The following PTPRD variants were observed in gnomAD, a reference collection of about 807,000 sequenced individuals.
PTPRD encodes the protein protein tyrosine phosphatase receptor type D, also known as receptor-type tyrosine-protein phosphatase delta.
PTPRD carries 34 observed loss-of-function variants against 214.5 expected under a neutral mutation model. The ratio of observed to expected loss-of-function variants is 0.16; its 90% confidence interval spans 0.12 to 0.21. The LOEUF (loss-of-function observed/expected upper bound fraction) is 0.21, where lower values mean the gene tolerates loss of function less well. Among genes scored for constraint, PTPRD ranks in the 10% least tolerant of loss-of-function variants. The probability of loss-of-function intolerance (pLI) is 1.00; values close to 1 mark genes in which losing one functional copy is unlikely to be tolerated. For missense variants in PTPRD, 2,545 were observed against 2,398.7 expected, an observed-to-expected ratio of 1.06 and a Z score of -1.27; for synonymous variants, 1,128 against 845.7, an observed-to-expected ratio of 1.33 and a Z score of -5.79.
chr9:10,338,070 G>A (rs1565385560), intron 3 of PTPRD, among the ~76,000 whole-genome samples: 1 of 151,554 alleles, frequency 6.6e-6, no homozygotes, highest in Non-Finnish European at 1.5e-5. Context: ...CATATCATAT[G>A]AGCTTCATTC....
At chr9:9,900,641 G>GTTTGGTTTTTTTTTTTTTT (rs1555302233) in intron 5 of PTPRD, among the ~76,000 whole-genome samples, 15 of 120,102 alleles carry the variant, frequency 1.2e-4, no homozygotes, top group African/African-American at 4.7e-4. Context: ...ACATTTTCAG[G>GTTTGGTTTTTTTTTTTTTT]TTTTTTTTTT....
chr9:8,788,404 T>C (rs2096082767), intron 11 of PTPRD, among the ~76,000 whole-genome samples: 1 of 151,424 alleles, frequency 6.6e-6, no homozygotes, highest in African/African-American at 2.4e-5. Flanking sequence ...GCCTCCCGAG[T>C]AGCTGGGATT....
chr9:10,322,405 C>T (rs1228775963), intron 3 of PTPRD, among the ~76,000 whole-genome samples: 1 of 152,006 alleles, frequency 6.6e-6, no homozygotes, highest in East Asian at 1.9e-4. Flanking sequence ...AGCCCCAAAT[C>T]TGACTATTTC....
At chr9:8,411,510 G>T (rs934876509) in intron 35 of PTPRD, among the ~76,000 whole-genome samples, 3 of 152,096 alleles carry the variant, frequency 2.0e-5, no homozygotes, top group Non-Finnish European at 4.4e-5. Context: ...CGCCATGTTG[G>T]CCAGGCTAGT....
chr9:8,760,824 G>A (rs1009264264), intron 11 of PTPRD, among the ~76,000 whole-genome samples: 1 of 152,118 alleles, frequency 6.6e-6, no homozygotes, highest in African/African-American at 2.4e-5. Flanking sequence ...TCTCGTACAA[G>A]TAAAGTAGAA....
At chr9:9,686,609 C>G (rs928170870) in intron 7 of PTPRD, among the ~76,000 whole-genome samples, 8 of 151,610 alleles carry the variant, frequency 5.3e-5, no homozygotes, top group African/African-American at 1.9e-4. Flanking sequence ...TACATTTCTA[C>G]ATAAATTTTA....
intron 2 of PTPRD, among the ~76,000 whole-genome samples, chr9:10,460,474 GTA>G (rs560790703): frequency 1.3e-5 from 2 of 149,578 alleles, no homozygotes; most frequent in African/African-American, 2.4e-5. Flanking sequence ...TGATTCAAAA[GTA>G]TATTACAAAG....
intron 35 of PTPRD, among the ~76,000 whole-genome samples, chr9:8,421,780 G>A (rs967770722): frequency 6.6e-6 from 1 of 151,764 alleles, no homozygotes; most frequent in Non-Finnish European, 1.5e-5. Context: ...AAGCCCAGTG[G>A]TCTTCTTGAT....
chr9:10,142,184 T>G (rs1220795501), intron 3 of PTPRD, among the ~76,000 whole-genome samples: 1 of 151,918 alleles, frequency 6.6e-6, no homozygotes. Context: ...GAAGAAAACC[T>G]AGGCATTACC....
rs181481499 is a variant in PTPRD, at chr9:9,707,257, T to G, written c.-287+27276A>C. The stretch of plus-strand genomic sequence containing the variant: ...TGGGTATTGTTAATTAAAACCAGTG[T>G]GCTGTTAAAACAAAATAAGAATATT... On this transcript the variant is annotated intron_variant, in intron 7 of 45. Transcript: ENST00000381196. 4.3e-4 allele frequency among the ~76,000 whole-genome samples: 66 copies of G among 152,330 alleles called. No homozygotes were observed. The East Asian group carries it at 6.7e-3, about 16-fold the overall frequency.
chr9:9,265,349 A>C (rs1229479576), intron 9 of PTPRD, among the ~76,000 whole-genome samples: 1 of 151,424 alleles, frequency 6.6e-6, no homozygotes, highest in Non-Finnish European at 1.5e-5. Flanking sequence ...GCAGCCTTGA[A>C]CTCCTGGGCT....
intron 2 of PTPRD, among the ~76,000 whole-genome samples, chr9:10,577,326 T>C (rs1026435423): frequency 2.6e-5 from 4 of 152,220 alleles, no homozygotes; most frequent in African/African-American, 9.6e-5. Flanking sequence ...TTATGATCCA[T>C]TCACTAATGT....
At chr9:10,215,475 A>G (rs954183185) in intron 3 of PTPRD, among the ~76,000 whole-genome samples, 9 of 152,108 alleles carry the variant, frequency 5.9e-5, no homozygotes, top group African/African-American at 2.2e-4. Flanking sequence ...AATATGTATC[A>G]GGCCTACATA....
chr9:9,404,898 T>C (rs2072646879), intron 8 of PTPRD, among the ~76,000 whole-genome samples: 1 of 152,092 alleles, frequency 6.6e-6, no homozygotes. Context: ...AATTCAGTCT[T>C]TTCCAAGTCC....
chr9:9,043,458 C>A (rs932931103), intron 10 of PTPRD, among the ~76,000 whole-genome samples: 1 of 152,116 alleles, frequency 6.6e-6, no homozygotes, highest in South Asian at 2.1e-4. Context: ...TCACCATAAC[C>A]TTTTCTGTTT....
intron 2 of PTPRD, among the ~76,000 whole-genome samples, chr9:10,583,741 G>T (rs1037046718): frequency 1.3e-5 from 2 of 152,032 alleles, no homozygotes; most frequent in South Asian, 2.1e-4. Context: ...GCCTCCCAAA[G>T]TGCTGGGATT....
At chr9:9,950,141 G>A (rs899482781) in intron 4 of PTPRD, among the ~76,000 whole-genome samples, 5 of 152,076 alleles carry the variant, frequency 3.3e-5, no homozygotes, top group Non-Finnish European at 5.9e-5. Flanking sequence ...CTGTGACAAC[G>A]ACCTTTGTGT....
intron 33 of PTPRD, among the ~76,000 whole-genome samples, chr9:8,452,623 T>C (rs760499855): frequency 9.2e-5 from 14 of 152,176 alleles, no homozygotes; most frequent in Non-Finnish European, 1.6e-4. Context: ...TATAAAATGT[T>C]AGTGCGAGTT....
At chr9:10,496,377 C>G (rs568247010) in intron 2 of PTPRD, among the ~76,000 whole-genome samples, 1 of 151,968 alleles carries the variant, frequency 6.6e-6, no homozygotes, top group African/African-American at 2.4e-5. Flanking sequence ...TATAATAAAA[C>G]AGGAACAAAT....
Sources: gnomAD v4.1 joint callset for allele counts (sites outside exome capture counted in the v4.1 genomes callset) on GRCh38, gnomAD v4.1.1 for gene constraint, MANE v1.5 for transcripts, NCBI Gene and HGNC (gene_info 2026-07-23, HGNC 2026-07-21) for gene names.